Variants in NPAS3 observed in about 807,000 individuals in gnomAD.
The protein encoded by NPAS3 is neuronal PAS domain-containing protein 3.
A neutral mutation model predicts 73.1 loss-of-function variants in NPAS3; 14 were observed. The observed-to-expected ratio is 0.19, with a 90% CI of 0.13 to 0.30. NPAS3 has a LOEUF of 0.30. NPAS3 is among the 10% of genes least tolerant of loss of function. The pLI, the probability that NPAS3 is intolerant of heterozygous loss-of-function variation, is 1.00. For missense variants in NPAS3, 1,096 were observed against 1,250.0 expected (o/e 0.88, Z 1.86); for synonymous variants, 620 against 541.5 (o/e 1.14, Z -2.01).
intron 1 of NPAS3, among the ~76,000 whole-genome samples, chr14:32,997,270 T>C (rs977938320): frequency 6.6e-6 from 1 of 152,190 alleles, no homozygotes; most frequent in Non-Finnish European, 1.5e-5. Flanking sequence ...TACAGGCTTG[T>C]AGGTGGAATG....
intron 5 of NPAS3, among the ~76,000 whole-genome samples, chr14:33,657,612 A>G (rs748900970): frequency 6.6e-4 from 101 of 152,204 alleles, no homozygotes; most frequent in Non-Finnish European, 1.3e-3. Context: ...GCTTTAATAA[A>G]GAGGGGAAGA....
intron 4 of NPAS3, among the ~76,000 whole-genome samples, chr14:33,422,995 C>A (rs897889213): frequency 1.3e-5 from 2 of 151,930 alleles, no homozygotes; most frequent in African/African-American, 4.8e-5. Flanking sequence ...GTGGAGGGAC[C>A]ACCCAGCAAT....
At chr14:33,590,696 C>T (rs1279295170) in intron 5 of NPAS3, among the ~76,000 whole-genome samples, 1 of 152,132 alleles carries the variant, frequency 6.6e-6, no homozygotes, top group Non-Finnish European at 1.5e-5. Flanking sequence ...ATCCCCCATG[C>T]GTTGATGTGA....
chr14:33,259,107 C>T (rs2048882836), intron 3 of NPAS3, among the ~76,000 whole-genome samples: 1 of 152,222 alleles, frequency 6.6e-6, no homozygotes, highest in Admixed American at 6.5e-5. Context: ...GCCACTGCAC[C>T]TGGCCAAATA....
intron 1 of NPAS3, among the ~76,000 whole-genome samples, chr14:32,950,626 C>G (rs1360365777): frequency 6.6e-6 from 1 of 152,016 alleles, no homozygotes; most frequent in Non-Finnish European, 1.5e-5. Flanking sequence ...ACAATCTTAA[C>G]AAAAAGAAAT....
intron 5 of NPAS3, among the ~76,000 whole-genome samples, chr14:33,608,026 C>T (rs2057632465): frequency 6.6e-6 from 1 of 152,112 alleles, no homozygotes. Context: ...TGAGGAACTA[C>T]AATTCAAGAT....
chr14:33,617,174 A>ATT (rs1306972581), intron 5 of NPAS3, among the ~76,000 whole-genome samples: 2 of 152,116 alleles, frequency 1.3e-5, no homozygotes, highest in African/African-American at 4.8e-5. Flanking sequence ...GTATAGGGTA[A>ATT]TTTTCCTTTA....
In NPAS3 at chr14:33,541,577, C is replaced by T. The variant is rs1459351638; in HGVS notation, c.469-18544C>T. Among the ~76,000 whole-genome samples, 4 of 152,200 alleles carry T rather than the reference C, an allele frequency of 2.6e-5. No individual in the cohort carries two copies. The South Asian group carries it at 6.2e-4, about 24-fold the overall frequency. On this transcript the variant is annotated intron_variant, in intron 4 of 11. Transcript: ENST00000356141. ...ACATGTGATTGGGAAAACCGATGCA[C>T]TCCCTGAGACAGTGTAAGGATACTC...
At chr14:33,295,789 G>A (rs546471736) in intron 3 of NPAS3, among the ~76,000 whole-genome samples, 1 of 152,288 alleles carries the variant, frequency 6.6e-6, no homozygotes, top group African/African-American at 2.4e-5. Flanking sequence ...GGTTTTATTT[G>A]CTAGCTGAGA....
intron 4 of NPAS3, among the ~76,000 whole-genome samples, chr14:33,476,794 A>G (rs1298778684): frequency 6.6e-6 from 1 of 152,112 alleles, no homozygotes; most frequent in Non-Finnish European, 1.5e-5. Context: ...CAGGAACCGC[A>G]TCATATATTG....
At chr14:33,110,807 A>C (rs891642829) in intron 2 of NPAS3, among the ~76,000 whole-genome samples, 2 of 152,160 alleles carry the variant, frequency 1.3e-5, no homozygotes, top group Non-Finnish European at 2.9e-5. Flanking sequence ...AGCTAGTTGA[A>C]CCCGGAGAGT....
intron 3 of NPAS3, among the ~76,000 whole-genome samples, chr14:33,240,217 C>T (rs10147763): frequency 0.3 from 45,047 of 151,468 alleles, 6,836 homozygotes; most frequent in African/African-American, 0.32. Context: ...TCTGTTAGTT[C>T]ACTTACAAAG....
intron 4 of NPAS3, among the ~76,000 whole-genome samples, chr14:33,525,704 T>C (rs542002826): frequency 6.6e-6 from 1 of 152,198 alleles, no homozygotes; most frequent in South Asian, 2.1e-4. Flanking sequence ...AGTCTTCAAG[T>C]TGTAGGACAC....
At chr14:33,306,878 A>G (rs2140173768) in intron 3 of NPAS3, among the ~76,000 whole-genome samples, 1 of 152,276 alleles carries the variant, frequency 6.6e-6, no homozygotes, top group Non-Finnish European at 1.5e-5. Context: ...TGGGAAGGGG[A>G]GCAGAGTCTT....
At chr14:33,719,613 G>A (rs1295253308) in intron 6 of NPAS3, among the ~76,000 whole-genome samples, 1 of 152,108 alleles carries the variant, frequency 6.6e-6, no homozygotes, top group East Asian at 1.9e-4. Context: ...AAAGAGAAAA[G>A]AAGCGGAGTC....
At chr14:33,274,261 C>G (rs977591244) in intron 3 of NPAS3, among the ~76,000 whole-genome samples, 1 of 152,160 alleles carries the variant, frequency 6.6e-6, no homozygotes, top group Non-Finnish European at 1.5e-5. Context: ...TACACAGTTA[C>G]AGTTCACTAT....
chr14:33,374,704 C>CT (rs761025943), intron 4 of NPAS3, among the ~76,000 whole-genome samples: 25 of 49,418 alleles, frequency 5.1e-4, no homozygotes, highest in African/African-American at 1.9e-3. Context: ...TGTGTCGGGG[C>CT]GGGGGGGGGA....
At chr14:33,149,678 A>C (rs1017437056) in intron 2 of NPAS3, among the ~76,000 whole-genome samples, 48 of 152,190 alleles carry the variant, frequency 3.2e-4, no homozygotes, top group African/African-American at 1.1e-3. Flanking sequence ...TTGAATTAAA[A>C]CAGTAATGTA....
chr14:33,156,374 A>G (rs2044648293), intron 2 of NPAS3, among the ~76,000 whole-genome samples: 1 of 152,170 alleles, frequency 6.6e-6, no homozygotes, highest in African/African-American at 2.4e-5. Context: ...GGTTAATTTC[A>G]TTAAGTTTGC....
Sources: allele counts gnomAD v4.1 joint callset (sites outside exome capture counted in the v4.1 genomes callset), GRCh38; gene constraint gnomAD v4.1.1; transcripts MANE v1.5; gene names NCBI Gene and HGNC (gene_info 2026-07-23, HGNC 2026-07-21).